RUBCNL: variants seen among roughly 807,000 people sequenced by gnomAD.
The protein encoded by RUBCNL is rubicon like autophagy enhancer.
In RUBCNL, 62 loss-of-function variants were observed where a neutral mutation model predicts 69.5. The observed-to-expected ratio is 0.89, with a 90% CI of 0.73 to 1.10. The LOEUF (loss-of-function observed/expected upper bound fraction) is 1.10, where lower values mean the gene tolerates loss of function less well. Among genes scored for constraint, RUBCNL ranks in the 50% least tolerant of loss-of-function variants. The probability of loss-of-function intolerance (pLI) is 0.00; values close to 1 mark genes in which losing one functional copy is unlikely to be tolerated. For synonymous variants in RUBCNL, 291 were observed against 303.6 expected, an observed-to-expected ratio of 0.96 and a Z score of 0.43; for missense variants, 768 against 798.1, an observed-to-expected ratio of 0.96 and a Z score of 0.45.
In RUBCNL at chr13:46,338,599, G is replaced by A. The variant is rs1192679092; in HGVS notation, c.*4786C>T. ...CCAATGGGGATGTACGTAGCCCGAG[G>A]AAGGCCAGAGCAGGGCCTCTTTCCA... On this transcript the variant is annotated 3_prime_UTR_variant, in exon 15 of 15. Transcript: ENST00000429979. 6.6e-6 allele frequency among the ~76,000 whole-genome samples: 1 copy of A among 152,118 alleles called. No individual in the cohort carries two copies. Among genetic ancestry groups the A allele is most frequent in the Non-Finnish European group, 1.5e-5 (1 of 68,030 alleles).
intron 2 of RUBCNL, among the ~76,000 whole-genome samples, chr13:46,377,377 C>G (rs924126743): frequency 6.6e-6 from 1 of 152,330 alleles, no homozygotes; most frequent in African/African-American, 2.4e-5. Flanking sequence ...AATTCTCATG[C>G]CTCAGCCTCC....
Position 46,372,084 on chromosome 13 carries a change from G to T in RUBCNL, c.392C>A (p.Ser131Ter). ...SEKSSSFSLS[S>*]TEVHMVRPGY... ...TGGGCGGACCATGTGTACCTCTGTT[G>T]AGGACAGAGAGAAGCTGCTACTCTT... Residue 131 changes from serine (S) to a stop codon, truncating the protein, a stop_gained, in exon 3 of 15, where the codon TCA becomes TAA. Transcript: ENST00000429979. LOFTEE classifies it high-confidence loss of function. 1 of 1,614,018 alleles carries T rather than the reference G, an allele frequency of 6.2e-7. No homozygotes were observed. The highest frequency in any genetic ancestry group is 8.5e-7 in the Non-Finnish European group (1 of 1,179,890).
intron 12 of RUBCNL, among the ~76,000 whole-genome samples, chr13:46,347,948 G>C (rs551518007): frequency 2.0e-4 from 30 of 152,148 alleles, no homozygotes; most frequent in African/African-American, 4.8e-4. Context: ...AGCCGAGATC[G>C]CGCCACTGCA....
chr13:46,379,307 C>A (rs1215173689), intron 1 of RUBCNL, among the ~76,000 whole-genome samples: 1 of 152,112 alleles, frequency 6.6e-6, no homozygotes. Context: ...AACTCCTGAT[C>A]TCAGGTGATC....
At chr13:46,379,954 C>T (rs545954451) in intron 1 of RUBCNL, among the ~76,000 whole-genome samples, 3 of 152,346 alleles carry the variant, frequency 2.0e-5, no homozygotes, top group Admixed American at 6.5e-5. Flanking sequence ...TTTAACTCAA[C>T]AGCTTCCAAA....
At chr13:46,353,248 T>C (rs1172340799) in intron 10 of RUBCNL, among the ~76,000 whole-genome samples, 1 of 152,194 alleles carries the variant, frequency 6.6e-6, no homozygotes, top group Non-Finnish European at 1.5e-5. Context: ...TTCATGATAG[T>C]TATGTTCTCT....
chr13:46,368,437 G>T, intron 4 of RUBCNL, 188 bp from the exon 5 acceptor site: 1 of 984,524 alleles, frequency 1.0e-6, no homozygotes, highest in Non-Finnish European at 1.2e-6. Context: ...ACATAGATTC[G>T]GCTTACTATA....
In RUBCNL at chr13:46,368,104, G is replaced by A. The variant is rs766278354; in HGVS notation, c.764C>T (p.Thr255Ile). The A allele has an allele frequency of 6.2e-7, 1 of 1,613,990 alleles. No homozygotes were observed. The highest frequency in any genetic ancestry group is 1.1e-5 in the South Asian group (1 of 91,082). Residue 255 changes from threonine to isoleucine, a missense_variant, in exon 5 of 15, where the codon ACT becomes ATT. Transcript: ENST00000429979. Reference protein sequence around the residue: ...LGSDQPDSEMTFDTNIKQESG... With the variant: ...LGSDQPDSEMIFDTNIKQESG... ...CTCTTGCTTTATGTTGGTATCAAAA[G>A]TCATTTCAGAGTCAGGCTGATCACT...
rs1184670743 is a variant in RUBCNL, at chr13:46,335,091, G to T, written c.*8294C>A. 6.6e-6 allele frequency among the ~76,000 whole-genome samples: 1 copy of T among 151,662 alleles called. No individual in the cohort carries two copies. Among genetic ancestry groups the T allele is most frequent in the Non-Finnish European group, 1.5e-5 (1 of 67,938 alleles). On this transcript the variant is annotated 3_prime_UTR_variant, in exon 15 of 15. Coordinates refer to ENST00000429979, the MANE Select transcript of RUBCNL (RefSeq NM_025113.5). ...TGGACTTTTTTTTTTTTGAGATGGG[G>T]TCTCACTCTGTCACCCAGGCTGGAA...
chr13:46,373,576 T>C (rs529673873), intron 2 of RUBCNL, among the ~76,000 whole-genome samples: 191 of 152,342 alleles, frequency 1.3e-3, no homozygotes, highest in Non-Finnish European at 2.4e-3. Context: ...CTCTTGTCAC[T>C]GTAATTACAG....
intron 1 of RUBCNL, among the ~76,000 whole-genome samples, chr13:46,386,068 C>G (rs1222980411): frequency 1.3e-5 from 2 of 152,172 alleles, no homozygotes; most frequent in African/African-American, 2.4e-5. Flanking sequence ...CGGCTCCAAA[C>G]AAAGTTCTGT....
At chr13:46,377,221 C>T (rs2049013764) in intron 2 of RUBCNL, among the ~76,000 whole-genome samples, 1 of 152,162 alleles carries the variant, frequency 6.6e-6, no homozygotes, top group African/African-American at 2.4e-5. Context: ...GAAAAACATG[C>T]AGTCTCAAAT....
chr13:46,386,675 C>T (rs2049254721), intron 1 of RUBCNL, among the ~76,000 whole-genome samples: 1 of 152,188 alleles, frequency 6.6e-6, no homozygotes, highest in African/African-American at 2.4e-5. Flanking sequence ...TCCAGCCTAG[C>T]TCAGTTATGT....
intron 2 of RUBCNL, among the ~76,000 whole-genome samples, chr13:46,377,172 G>A (rs1004682556): frequency 3.9e-5 from 6 of 152,192 alleles, no homozygotes; most frequent in Non-Finnish European, 7.3e-5. Flanking sequence ...TCTTTTGTGT[G>A]TTTGGTGGGG....
In RUBCNL at chr13:46,338,745, C is replaced by A. The variant is rs1159104113; in HGVS notation, c.*4640G>T. On this transcript the variant is annotated 3_prime_UTR_variant, in exon 15 of 15. Transcript: ENST00000429979. ...CTGGGGAGAAAGAAGCCTGGAAGCA[C>A]AAGCAGAGGCCAGAAAATGTTCAAG... Among the ~76,000 whole-genome samples, 1 of 151,956 alleles carries A rather than the reference C, an allele frequency of 6.6e-6. No homozygotes were observed. The highest frequency in any genetic ancestry group is 1.5e-5 in the Non-Finnish European group (1 of 67,960).
rs542564528 is a variant in RUBCNL at position 46,358,137 on chromosome 13, G to A, written c.1265+1349C>T. Among the ~76,000 whole-genome samples the A allele has an allele frequency of 5.3e-5, 8 of 152,266 alleles. No individual in the cohort carries two copies. The South Asian group carries it at 1.2e-3, about 24-fold the overall frequency. On this transcript the variant is annotated intron_variant, in intron 9 of 14. Coordinates refer to ENST00000429979, the MANE Select transcript of RUBCNL (RefSeq NM_025113.5). ...CAGGCTAAGGAAAGCAACCTCTCAC[G>A]ATGCCTAGACAGGGAGTTCTGCCCA...
In RUBCNL at chr13:46,372,582, G is replaced by T; in HGVS notation, c.-107C>A. The T allele has an allele frequency of 2.7e-6, 4 of 1,470,138 alleles. No homozygotes were observed. The highest frequency in any genetic ancestry group is 2.5e-5 in the East Asian group (1 of 40,166). 91.1% of individuals were successfully genotyped at this position (1,470,138 alleles called of 1,614,324 possible). A position where few individuals can be genotyped will look rare whatever the true frequency, so the allele number is the denominator to read the frequency against. ...TGAACTCACCACATGGCCAGCTGGGGGTCTGGAGAGCTATTCTGCAATGAG... is the reference window on the plus strand; with the variant it reads ...TGAACTCACCACATGGCCAGCTGGGTGTCTGGAGAGCTATTCTGCAATGAG... On this transcript the variant is annotated 5_prime_UTR_variant, in exon 3 of 15. Coordinates refer to ENST00000429979, the MANE Select transcript of RUBCNL (RefSeq NM_025113.5).
rs1446437554 is a variant in RUBCNL at position 46,341,951 on chromosome 13, C to G, written c.*1434G>C. ...AAGGAATGTGAACATACCACTCTTA[C>G]CCTTGATTCTTAACAGGGAATAGGA... On this transcript the variant is annotated 3_prime_UTR_variant, in exon 15 of 15. Transcript: ENST00000429979. 6.6e-6 allele frequency: 1 copy of G among 152,240 alleles called. No homozygotes were observed. Among genetic ancestry groups the G allele is most frequent in the Admixed American group, 6.5e-5 (1 of 15,290 alleles). The allele number at this position is 152,240 out of a possible 1,614,324, so 9.4% of individuals were successfully genotyped here.
rs1318600976 is a variant in RUBCNL at position 46,367,985 on chromosome 13, AGAG to A, written c.826+54_826+56del. 1.5e-5 allele frequency: 22 copies of A among 1,505,106 alleles called. No individual in the cohort carries two copies. The Admixed American group carries it at 3.5e-4, about 24-fold the overall frequency. 93.2% of individuals were successfully genotyped at this position (1,505,106 alleles called of 1,614,324 possible). ...TGCCCCGTGGATAAGGGGTAATTAT[AGAG>A]GAGATATATGTGAAACACATAACAT... On this transcript the variant is annotated intron_variant, in intron 5 of 14. Coordinates refer to ENST00000429979, the MANE Select transcript of RUBCNL (RefSeq NM_025113.5).
Sources: gnomAD v4.1 joint callset for allele counts (sites outside exome capture counted in the v4.1 genomes callset) on GRCh38, gnomAD v4.1.1 for gene constraint, MANE v1.5 for transcripts, NCBI Gene and HGNC (gene_info 2026-07-23, HGNC 2026-07-21) for gene names.